The following BCL11A variants were observed in gnomAD, a reference collection of about 807,000 sequenced individuals.
The protein encoded by BCL11A is B cell CLL/lymphoma 11A.
In BCL11A, 2 loss-of-function variants were observed where a neutral mutation model predicts 55.9. The ratio of observed to expected loss-of-function variants is 0.04; its 90% confidence interval spans 0.01 to 0.11. The LOEUF (loss-of-function observed/expected upper bound fraction) is 0.11, where lower values mean the gene tolerates loss of function less well. Ranked by LOEUF, BCL11A falls within the 10% of genes least tolerant of loss-of-function variation. The pLI, the probability that BCL11A is intolerant of heterozygous loss-of-function variation, is 1.00. For synonymous variants in BCL11A, 465 were observed against 473.4 expected (o/e 0.98, Z 0.23); for missense variants, 817 against 1,137.1 (o/e 0.72, Z 4.05).
chr2:60,461,830 G>T lies in BCL11A; in HGVS notation c.1082C>A (p.Pro361His). ...KPPFLATPPLPPLQSAPPPSQ... is the reference protein window; with the variant it reads ...KPPFLATPPLHPLQSAPPPSQ... ...GGGAGGAGGGGCGGATTGCAGAGGAGGGAGGGGGGGCGTCGCCAGGAAGGG... is the reference window on the plus strand; with the variant it reads ...GGGAGGAGGGGCGGATTGCAGAGGATGGAGGGGGGGCGTCGCCAGGAAGGG... The change falls in exon 4 of 4, where the codon CCT becomes CAT. Residue 361 changes from proline to histidine, a missense_variant. Coordinates refer to ENST00000642384, the MANE Select transcript of BCL11A (RefSeq NM_022893.4). 1 of 1,612,146 alleles carries T rather than the reference G, an allele frequency of 6.2e-7. No homozygotes were observed. Among genetic ancestry groups the T allele is most frequent in the Non-Finnish European group, 8.5e-7 (1 of 1,178,744 alleles).
intron 2 of BCL11A, chr2:60,544,409 T>C (rs1261784634): frequency 6.6e-6 from 1 of 152,094 alleles, no homozygotes; most frequent in Non-Finnish European, 1.5e-5. Context: ...GTAGGGGAGA[T>C]AAAATCTTCA....
At chr2:60,522,003 T>C (rs945643698) in intron 2 of BCL11A, 1 of 152,442 alleles carries the variant, frequency 6.6e-6, no homozygotes, top group Non-Finnish European at 1.5e-5. Context: ...GGTACTTTCT[T>C]GCCCATAGGA....
chr2:60,522,566 A>T (rs1248441220), intron 2 of BCL11A: 1 of 152,252 alleles, frequency 6.6e-6, no homozygotes. Flanking sequence ...GCCACCTTGC[A>T]TGTCAGCCCA....
chr2:60,538,244 T>A (rs1289750842), intron 2 of BCL11A: 2 of 152,242 alleles, frequency 1.3e-5, no homozygotes, highest in Non-Finnish European at 2.9e-5. Context: ...TCTAAAGAGA[T>A]CAAAAAGGGC....
chr2:60,473,171 CAT>C (rs1294783141), intron 2 of BCL11A, among the ~76,000 whole-genome samples: 1 of 150,826 alleles, frequency 6.6e-6, no homozygotes, highest in South Asian at 2.1e-4. Flanking sequence ...TGAGTGTGTG[CAT>C]ATGTGTCTGT....
intron 2 of BCL11A, among the ~76,000 whole-genome samples, chr2:60,470,997 T>C (rs1677162130): frequency 6.6e-6 from 1 of 152,196 alleles, no homozygotes; most frequent in African/African-American, 2.4e-5. Flanking sequence ...TTCCTGGGAA[T>C]TTGTCTCTTC....
chr2:60,477,124 A>G (rs1220190394), intron 2 of BCL11A, among the ~76,000 whole-genome samples: 1 of 152,186 alleles, frequency 6.6e-6, no homozygotes, highest in Non-Finnish European at 1.5e-5. Context: ...TGCAAACCAC[A>G]CTTGCGTTTC....
chr2:60,479,825 C>T (rs866033084), intron 2 of BCL11A, among the ~76,000 whole-genome samples: 7 of 152,180 alleles, frequency 4.6e-5, no homozygotes, highest in African/African-American at 1.7e-4. Context: ...AAGGTATCAG[C>T]GTGGGACAGG....
chr2:60,481,570 G>A lies in BCL11A; in HGVS notation c.386-12737C>T, dbSNP rs112117309. ...GGATCAAGGTGACAGTGCTGTCCACGCTGGCCCCTGGCTAAGAGCAACTGC... is the reference window on the plus strand; with the variant it reads ...GGATCAAGGTGACAGTGCTGTCCACACTGGCCCCTGGCTAAGAGCAACTGC... On this transcript the variant is annotated intron_variant, in intron 2 of 3. Transcript: ENST00000642384. Among the ~76,000 whole-genome samples the A allele has an allele frequency of 3.6e-3, 554 of 152,186 alleles. 4 individuals carry two copies. Among genetic ancestry groups the A allele is most frequent in the African/African-American group, 0.013 (538 of 41,516 alleles).
At chr2:60,507,812 G>A (rs770189804) in intron 2 of BCL11A, among the ~76,000 whole-genome samples, 1 of 152,142 alleles carries the variant, frequency 6.6e-6, no homozygotes, top group Non-Finnish European at 1.5e-5. Flanking sequence ...ACAAGCTGTT[G>A]AAACTGTATA....
rs1015581007 is a variant in BCL11A at position 60,460,664 on chromosome 2, C to T, written c.2248G>A (p.Val750Ile). 1.2e-6 allele frequency: 2 copies of T among 1,614,168 alleles called. No individual in the cohort carries two copies. Among genetic ancestry groups the T allele is most frequent in the Non-Finnish European group, 1.7e-6 (2 of 1,180,032 alleles). ...GTGAGATTGCTACAGTTCTTGAAGA[C>T]TTTCCCACAGTACTCACAAGTGTCG... ...RSDTCEYCGK[V>I]FKNCSNLTVH... The change falls in exon 4 of 4, where the codon GTC becomes ATC. Residue 750 changes from valine to isoleucine, a missense_variant. Val to Ile is a conservative substitution (Grantham distance 29). Transcript: ENST00000642384.
intron 2 of BCL11A, among the ~76,000 whole-genome samples, chr2:60,501,675 T>C (rs981560107): frequency 2.9e-4 from 44 of 151,854 alleles, no homozygotes; most frequent in Non-Finnish European, 2.6e-4. Flanking sequence ...CCTGGCTAAG[T>C]TTATATTTTT....
At chr2:60,514,675 A>C (rs1212374242) in intron 2 of BCL11A, among the ~76,000 whole-genome samples, 5 of 151,776 alleles carry the variant, frequency 3.3e-5, no homozygotes, top group African/African-American at 1.2e-4. Context: ...CTCAAAAAAA[A>C]AAAAAAATTA....
Position 60,457,526 on chromosome 2 carries a change from A to G in BCL11A, c.*2878T>C. 4.8e-6 allele frequency: 5 copies of G among 1,046,866 alleles called. No individual in the cohort carries two copies. The highest frequency in any genetic ancestry group is 5.8e-6 in the Non-Finnish European group (5 of 867,252). 64.8% of individuals were successfully genotyped at this position (1,046,866 alleles called of 1,614,324 possible). A position where few individuals can be genotyped will look rare whatever the true frequency, so the allele number is the denominator to read the frequency against. On this transcript the variant is annotated 3_prime_UTR_variant, in exon 4 of 4. Coordinates refer to ENST00000642384, the MANE Select transcript of BCL11A (RefSeq NM_022893.4). Reference sequence around the variant, plus strand: ...ATTACAGGAATAGAAAAGGCCAATAACAAAATATTCTGCATTGCCATTTAC... The same window carrying G: ...ATTACAGGAATAGAAAAGGCCAATAGCAAAATATTCTGCATTGCCATTTAC...
intron 2 of BCL11A, among the ~76,000 whole-genome samples, chr2:60,518,821 G>T (rs1458753750): frequency 6.6e-6 from 1 of 152,168 alleles, no homozygotes; most frequent in Non-Finnish European, 1.5e-5. Context: ...GGTCAAGCTG[G>T]ATGGACACCA....
At chr2:60,551,320 G>C (rs2104789094) in intron 1 of BCL11A, among the ~76,000 whole-genome samples, 2 of 152,338 alleles carry the variant, frequency 1.3e-5, no homozygotes, top group South Asian at 4.1e-4. Context: ...GACCAAGCCA[G>C]GCCTGGGGAA....
intron 2 of BCL11A, among the ~76,000 whole-genome samples, chr2:60,512,025 C>T (rs1680018288): frequency 6.6e-6 from 1 of 152,182 alleles, no homozygotes; most frequent in Non-Finnish European, 1.5e-5. Context: ...CATAGTAACG[C>T]TTCCCAGGAA....
chr2:60,471,024 C>T (rs1036303633), intron 2 of BCL11A, among the ~76,000 whole-genome samples: 3 of 152,172 alleles, frequency 2.0e-5, no homozygotes, highest in African/African-American at 7.2e-5. Flanking sequence ...GCTGCTCCTG[C>T]CGTGGTCTTC....
chr2:60,461,308 C>T lies in BCL11A; in HGVS notation c.1604G>A (p.Gly535Asp), dbSNP rs1435763708. The T allele has an allele frequency of 1.2e-6, 2 of 1,600,918 alleles. No homozygotes were observed. Among genetic ancestry groups the T allele is most frequent in the South Asian group, 1.1e-5 (1 of 90,646 alleles). The change falls in exon 4 of 4, where the codon GGC (glycine) becomes GAC (aspartate). Residue 535 changes from glycine to aspartate, a missense_variant. Physicochemically the swap from Gly to Asp is moderately conservative, Grantham distance 94 (BLOSUM62 -1). Coordinates refer to ENST00000642384, the MANE Select transcript of BCL11A (RefSeq NM_022893.4). ...CAGGGCGCGGCTCTCGTCGCCCACG[C>T]CCACGACCGCGCCCCGCGAGCTGTT... is the stretch of plus-strand genomic sequence containing the variant. ...HENSSRGAVV[G>D]VGDESRALPD...
Sources: allele counts gnomAD v4.1 joint callset (sites outside exome capture counted in the v4.1 genomes callset), GRCh38; gene constraint gnomAD v4.1.1; transcripts MANE v1.5; gene names NCBI Gene and HGNC (gene_info 2026-07-23, HGNC 2026-07-21).